The following PXDN variants were observed in gnomAD, a reference collection of about 807,000 sequenced individuals.
PXDN encodes the protein peroxidasin.
PXDN carries 77 observed loss-of-function variants against 140.3 expected under a neutral mutation model. That is an observed-to-expected ratio of 0.55 (90% CI 0.46 to 0.66). The LOEUF is 0.66. PXDN is among the 30% of genes least tolerant of loss of function. PXDN has a pLI of 0.00. For missense variants in PXDN, 1,838 were observed against 2,039.5 expected, an observed-to-expected ratio of 0.90 and a Z score of 1.90; for synonymous variants, 911 against 857.4, an observed-to-expected ratio of 1.06 and a Z score of -1.09.
At chr2:1,693,012 T>C (rs920692094) in intron 2 of PXDN, 51 bp downstream of exon 2, 5 of 1,450,582 alleles carry the variant, frequency 3.4e-6, no homozygotes, top group Admixed American at 3.9e-5. Context: ...AGATAAACAA[T>C]GTAATGATTT....
chr2:1,706,150 G>A (rs1186781567), intron 1 of PXDN, among the ~76,000 whole-genome samples: 1 of 152,134 alleles, frequency 6.6e-6, no homozygotes, highest in Admixed American at 6.5e-5. Flanking sequence ...CCGTCCCAGC[G>A]TCTCTGACCT....
chr2:1,663,471 A>G, intron 12 of PXDN, 134 bp downstream of exon 12: 1 of 1,228,700 alleles, frequency 8.1e-7, no homozygotes, highest in Non-Finnish European at 1.1e-6. Context: ...AAGCACAATG[A>G]CGGTGCACAA....
At chr2:1,738,576 T>A (rs1398250125) in intron 1 of PXDN, among the ~76,000 whole-genome samples, 1 of 149,946 alleles carries the variant, frequency 6.7e-6, no homozygotes, top group Non-Finnish European at 1.5e-5. Flanking sequence ...TGAGACTAGG[T>A]CTCGCTCTGT....
intron 21 of PXDN, 115 bp from the exon 22 acceptor site, chr2:1,635,636 G>T: frequency 1.2e-6 from 1 of 837,570 alleles, no homozygotes; most frequent in Non-Finnish European, 2.0e-6. Flanking sequence ...CAACATTTGA[G>T]GGGAATATTT....
At chr2:1,710,658 CACCAGCACCCGCTCT>C (rs1318369051) in intron 1 of PXDN, among the ~76,000 whole-genome samples, 6 of 124,300 alleles carry the variant, frequency 4.8e-5, no homozygotes, top group Non-Finnish European at 8.7e-5. Context: ...ACCCACTCTC[CACCAGCACCCGCTCT>C]ACCAGCACCC....
chr2:1,653,236 G>A (rs548323230), intron 16 of PXDN: 64 of 334,814 alleles, frequency 1.9e-4, no homozygotes, highest in African/African-American at 4.9e-4. Context: ...CTCCTAATAC[G>A]CGTGGCACCG....
At chr2:1,662,268 C>G in intron 12 of PXDN, 84 bp from the exon 13 acceptor site, 1 of 1,120,790 alleles carries the variant, frequency 8.9e-7, no homozygotes, top group Non-Finnish European at 1.3e-6. Context: ...TGCCCTCCAT[C>G]AGGCCCACTC....
chr2:1,661,990 G>T, intron 13 of PXDN, 82 bp downstream of exon 13: 1 of 1,279,804 alleles, frequency 7.8e-7, no homozygotes, highest in Non-Finnish European at 1.1e-6. Flanking sequence ...CGCCTACCTT[G>T]CTCCAGGTAG....
chr2:1,644,549 C>T, intron 18 of PXDN, 69 bp downstream of exon 18: 2 of 1,457,094 alleles, frequency 1.4e-6, no homozygotes, highest in East Asian at 2.5e-5. Context: ...ACCAGGACAG[C>T]TCTTCTCCTC....
In PXDN at chr2:1,744,417, C is replaced by A. The variant is rs779826415; in HGVS notation, c.39G>T (p.Leu13=). Residue 13 remains leucine, a synonymous_variant, in exon 1 of 23, where the codon CTG becomes CTT. Coordinates refer to ENST00000252804, the MANE Select transcript of PXDN (RefSeq NM_012293.3). ...KRSRGPGRRC[L]LALVLFCAWG... ...AGGCGCAGAACAGCACGAGCGCCAA[C>A]AGGCAGCGGCGCCCGGGGCCCCTGG... is the stretch of plus-strand genomic sequence containing the variant. 15 of 1,507,808 alleles carry A rather than the reference C, an allele frequency of 9.9e-6. No individual in the cohort carries two copies. The South Asian group carries it at 1.6e-4, about 16-fold the overall frequency. 93.4% of individuals were successfully genotyped at this position (1,507,808 alleles called of 1,614,324 possible).
At position 1,649,332 on chromosome 2, in the gene PXDN, G is replaced by A; in HGVS notation, c.2448C>T (p.His816=). 2 of 1,613,886 alleles carry A rather than the reference G, an allele frequency of 1.2e-6. No individual in the cohort carries two copies. The highest frequency in any genetic ancestry group is 1.7e-6 in the Non-Finnish European group (2 of 1,179,878). ...ETVTPDEQFT[H]MLMQWGQFLD... The stretch of plus-strand genomic sequence containing the variant: ...GGAACTGGCCCCACTGCATCAGCAT[G>A]TGGGTGAACTGCTCGTCGGGTGTGA... The change falls in exon 17 of 23, where the codon CAC becomes CAT. Residue 816 remains histidine, a synonymous_variant. Transcript: ENST00000252804. This position sits in a 1 kb window ranked among gnomAD's most constrained non-coding sequence, Gnocchi z 7.1.
In PXDN at chr2:1,671,693, T is replaced by C. The variant is rs112455007; in HGVS notation, c.1018+1950A>G. Among the ~76,000 whole-genome samples the C allele has an allele frequency of 5.7e-3, 851 of 149,042 alleles. 5 individuals carry two copies. The highest frequency in any genetic ancestry group is 0.019 in the African/African-American group (785 of 40,526). On this transcript the variant is annotated intron_variant, in intron 9 of 22. Coordinates refer to ENST00000252804, the MANE Select transcript of PXDN (RefSeq NM_012293.3). ...GGATACTGGGTGCGATATGCCCCTT[T>C]GTGTCTCACAGAGACCTACACGTCA...
rs1558494305 is a variant in PXDN at position 1,658,054 on chromosome 2, CTCTCTCTCTCT to C, written c.1837+2816_1837+2826del. Among the ~76,000 whole-genome samples, 67 of 130,262 alleles carry C rather than the reference CTCTCTCTCTCT, an allele frequency of 5.1e-4. 3 individuals carry two copies. The highest frequency in any genetic ancestry group is 7.4e-3 in the Middle Eastern group (2 of 272). 85.5% of individuals were successfully genotyped at this position (130,262 alleles called of 152,430 possible). On this transcript the variant is annotated intron_variant, in intron 14 of 22. Transcript: ENST00000252804. ...TCTCTCTCTCTCTCTCTCTCTCTCT[CTCTCTCTCTCT>C]CTCTCTCTCTCTCTCTCTCTCTCTC...
At chr2:1,743,566 G>T (rs1046014723) in intron 1 of PXDN, among the ~76,000 whole-genome samples, 1 of 150,646 alleles carries the variant, frequency 6.6e-6, no homozygotes, top group Non-Finnish European at 1.5e-5. Context: ...AGGCTTCCCC[G>T]GCGCGGGGGG....
chr2:1,725,681 G>C (rs1339355467), intron 1 of PXDN, among the ~76,000 whole-genome samples: 1 of 152,132 alleles, frequency 6.6e-6, no homozygotes. Context: ...CTACTCTTCT[G>C]ACAAAGGGCT....
chr2:1,650,046 C>T (rs1358961393), intron 16 of PXDN, among the ~76,000 whole-genome samples: 4 of 152,114 alleles, frequency 2.6e-5, no homozygotes, highest in Non-Finnish European at 5.9e-5. Context: ...TCACTTTAAA[C>T]GCCCCGTGTA....
chr2:1,648,471 G>C lies in PXDN; in HGVS notation c.3309C>G (p.Phe1103Leu). ...CCTCATTCACAATCCGGAAGGGAGA[G>C]AAGAAAGCTTTGTGAAGGGGGAGGT... Reference protein sequence around the residue: ...QDHLPLHKAFFSPFRIVNEGG... With the variant: ...QDHLPLHKAFLSPFRIVNEGG... The change falls in exon 17 of 23, where the codon TTC becomes TTG. Residue 1103 changes from phenylalanine (F) to leucine (L), a missense_variant. Physicochemically the swap from Phe to Leu is conservative, Grantham distance 22. Coordinates refer to ENST00000252804, the MANE Select transcript of PXDN (RefSeq NM_012293.3). The surrounding 1 kb of genome is among the most constrained non-coding windows in gnomAD (Gnocchi z 8.9). 1 of 1,611,144 alleles carries C rather than the reference G, an allele frequency of 6.2e-7. No homozygotes were observed. Among genetic ancestry groups the C allele is most frequent in the Middle Eastern group, 1.6e-4 (1 of 6,062 alleles).
rs1424382278 is a variant in PXDN, at chr2:1,649,156, C to T, written c.2624G>A (p.Cys875Tyr). Residue 875 changes from cysteine (C) to tyrosine (Y), a missense_variant, in exon 17 of 23, where the codon TGC becomes TAC. Cys to Tyr is a radical substitution (Grantham distance 194). Transcript: ENST00000252804. The surrounding 1 kb of genome is among the most constrained non-coding windows in gnomAD (Gnocchi z 7.1). The stretch of plus-strand genomic sequence containing the variant: ...AGGGCTGGAGCGCACGAAGAACATG[C>T]AGCGGGCCCCGCTCCTGGCCCGGGA... ...NDSRARSGAR[C>Y]MFFVRSSPVC... is the part of the protein sequence containing the mutation. 1.2e-6 allele frequency: 2 copies of T among 1,612,500 alleles called. No homozygotes were observed. Among genetic ancestry groups the T allele is most frequent in the East Asian group, 2.2e-5 (1 of 44,826 alleles).
chr2:1,656,941 T>C (rs1404542751), intron 14 of PXDN, among the ~76,000 whole-genome samples: 6 of 123,310 alleles, frequency 4.9e-5, no homozygotes, highest in East Asian at 2.8e-4. Context: ...CAGAAACCTG[T>C]CCCCTCCTGC....
Sources: gnomAD v4.1 joint callset for allele counts (sites outside exome capture counted in the v4.1 genomes callset) on GRCh38, gnomAD v4.1.1 for gene constraint, Gnocchi (gnomAD v3.1) non-coding constraint, MANE v1.5 for transcripts, NCBI Gene and HGNC (gene_info 2026-07-23, HGNC 2026-07-21) for gene names.